XRCC4: variants seen among roughly 807,000 people sequenced by gnomAD.
XRCC4 encodes DNA repair protein XRCC4.
In XRCC4, 28 loss-of-function variants were observed where a neutral mutation model predicts 39.1. The observed-to-expected ratio is 0.72, with a 90% CI of 0.53 to 0.98. The LOEUF (loss-of-function observed/expected upper bound fraction) is 0.98, where lower values mean the gene tolerates loss of function less well. XRCC4 is among the 50% of genes least tolerant of loss of function. The probability of loss-of-function intolerance (pLI) is 0.00; values close to 1 mark genes in which losing one functional copy is unlikely to be tolerated. For missense variants in XRCC4, 350 were observed against 376.4 expected, an observed-to-expected ratio of 0.93 and a Z score of 0.58; for synonymous variants, 123 against 126.4, an observed-to-expected ratio of 0.97 and a Z score of 0.18.
At chr5:83,169,728 G>T (rs554156950) in intron 3 of XRCC4, among the ~76,000 whole-genome samples, 1 of 152,118 alleles carries the variant, frequency 6.6e-6, no homozygotes, top group Non-Finnish European at 1.5e-5. Context: ...TTTGGCTTGA[G>T]ATCCTTGTTA....
At chr5:83,368,569 G>C in the XRCC4 span, among the ~76,000 whole-genome samples, 2 of 152,172 alleles carry the variant, frequency 1.3e-5, no homozygotes, top group African/African-American at 4.8e-5. Context: ...TGTGGCTAAC[G>C]ATGACTAATA....
intron 7 of XRCC4, among the ~76,000 whole-genome samples, chr5:83,341,162 A>G (rs1439011241): frequency 6.6e-6 from 1 of 152,068 alleles, no homozygotes; most frequent in East Asian, 1.9e-4. Context: ...TTTTTCTTAA[A>G]GCACTTACAA....
the XRCC4 span, among the ~76,000 whole-genome samples, chr5:83,367,916 C>A: frequency 2.0e-5 from 3 of 151,836 alleles, no homozygotes; most frequent in Admixed American, 6.6e-5. Context: ...ATTTTAGTGG[C>A]CCTCAAGTGT....
chr5:83,196,240 A>C (rs188857277), intron 4 of XRCC4, among the ~76,000 whole-genome samples: 2 of 152,258 alleles, frequency 1.3e-5, no homozygotes, highest in African/African-American at 4.8e-5. Context: ...TATTAAGATT[A>C]ATTCAGCTCA....
intron 7 of XRCC4, among the ~76,000 whole-genome samples, chr5:83,279,004 C>CAAA (rs529797820): frequency 1.6e-5 from 1 of 61,028 alleles, no homozygotes; most frequent in African/African-American, 5.2e-5. Context: ...CCATCTCTAC[C>CAAA]AAAAAAAAAA....
At chr5:83,237,053 G>A (rs1752718591) in intron 6 of XRCC4, among the ~76,000 whole-genome samples, 1 of 151,648 alleles carries the variant, frequency 6.6e-6, no homozygotes, top group Non-Finnish European at 1.5e-5. Context: ...TTTCAAAAAG[G>A]CAATAACTGA....
At chr5:83,226,867 C>T (rs1455200847) in intron 6 of XRCC4, among the ~76,000 whole-genome samples, 3 of 152,072 alleles carry the variant, frequency 2.0e-5, no homozygotes, top group Non-Finnish European at 4.4e-5. Flanking sequence ...TGACATTACT[C>T]TGGCTTGGTG....
chr5:83,346,279 G>T (rs1261233442), intron 7 of XRCC4, among the ~76,000 whole-genome samples: 1 of 152,112 alleles, frequency 6.6e-6, no homozygotes, highest in Admixed American at 6.6e-5. Flanking sequence ...AACTGGAAGA[G>T]CTCTAAGATC....
At chr5:83,262,768 CAAA>C (rs1753796365) in intron 7 of XRCC4, among the ~76,000 whole-genome samples, 2 of 150,034 alleles carry the variant, frequency 1.3e-5, no homozygotes, top group Admixed American at 6.7e-5. Context: ...TACTGGATGC[CAAA>C]ACAACACACA....
intron 3 of XRCC4, among the ~76,000 whole-genome samples, chr5:83,125,027 T>C (rs1747190942): frequency 6.6e-6 from 1 of 152,232 alleles, no homozygotes; most frequent in African/African-American, 2.4e-5. Flanking sequence ...CTTTAGCCAT[T>C]CTAATAGGTG....
At chr5:83,269,181 C>G (rs369431614) in intron 7 of XRCC4, among the ~76,000 whole-genome samples, 5 of 152,222 alleles carry the variant, frequency 3.3e-5, no homozygotes, top group Non-Finnish European at 7.4e-5. Flanking sequence ...ACAAACCCAT[C>G]ATAGGACTGA....
chr5:83,145,774 C>G (rs958433531), intron 3 of XRCC4, among the ~76,000 whole-genome samples: 4 of 151,990 alleles, frequency 2.6e-5, no homozygotes, highest in African/African-American at 9.7e-5. Flanking sequence ...AGCCCTCACT[C>G]AGGTTATGGG....
At chr5:83,350,268 G>T (rs1339142303) in intron 7 of XRCC4, among the ~76,000 whole-genome samples, 1 of 152,142 alleles carries the variant, frequency 6.6e-6, no homozygotes, top group African/African-American at 2.4e-5. Context: ...GGTTTTTTGG[G>T]AGGTATATGC....
At chr5:83,104,781 T>A in intron 1 of XRCC4, 129 bp from the exon 2 acceptor site, 2 of 708,188 alleles carry the variant, frequency 2.8e-6, no homozygotes, top group Non-Finnish European at 4.7e-6. Context: ...GTTGAACCTA[T>A]TATACAGTTT....
chr5:83,217,183 GTC>G (rs1751892314), intron 6 of XRCC4, among the ~76,000 whole-genome samples: 2 of 151,570 alleles, frequency 1.3e-5, no homozygotes, highest in Admixed American at 1.3e-4. Context: ...GTGAAACCCC[GTC>G]TCTACTAAAA....
chr5:83,184,783 G>A (rs1750361785), intron 3 of XRCC4, among the ~76,000 whole-genome samples: 1 of 152,056 alleles, frequency 6.6e-6, no homozygotes, highest in South Asian at 2.1e-4. Flanking sequence ...ACTCTGGAAT[G>A]CTACTGTGTT....
chr5:83,116,117 G>A (rs1226846721), intron 3 of XRCC4, among the ~76,000 whole-genome samples: 1 of 152,138 alleles, frequency 6.6e-6, no homozygotes, highest in Non-Finnish European at 1.5e-5. Context: ...TGGGAAACAT[G>A]GCAGACAGAA....
chr5:83,352,605 A>T (rs1262785848), intron 7 of XRCC4, among the ~76,000 whole-genome samples: 1 of 152,238 alleles, frequency 6.6e-6, no homozygotes, highest in Non-Finnish European at 1.5e-5. Flanking sequence ...TCAATAAATG[A>T]TTATGGACCA....
intron 2 of XRCC4, among the ~76,000 whole-genome samples, chr5:83,107,496 C>G (rs1363433191): frequency 6.6e-6 from 1 of 151,786 alleles, no homozygotes; most frequent in African/African-American, 2.4e-5. Flanking sequence ...CTCCCCTACA[C>G]TAAACTCACT....
Sources: gnomAD v4.1 joint callset for allele counts (sites outside exome capture counted in the v4.1 genomes callset) on GRCh38, gnomAD v4.1.1 for gene constraint, MANE v1.5 for transcripts, NCBI Gene and HGNC (gene_info 2026-07-23, HGNC 2026-07-21) for gene names.